SGCG: variants seen among roughly 807,000 people sequenced by gnomAD.
The protein encoded by SGCG is sarcoglycan gamma.
A neutral mutation model predicts 29.3 loss-of-function variants in SGCG; 26 were observed. The ratio of observed to expected loss-of-function variants is 0.89; its 90% confidence interval spans 0.65 to 1.23. SGCG has a LOEUF of 1.23. Ranked by LOEUF, SGCG falls within the 50% of genes most tolerant of loss-of-function variation. The pLI, the probability that SGCG is intolerant of heterozygous loss-of-function variation, is 0.00. For missense variants in SGCG, 353 were observed against 356.0 expected (o/e 0.99, Z 0.07); for synonymous variants, 145 against 129.7 (o/e 1.12, Z -0.80).
intron 1 of SGCG, among the ~76,000 whole-genome samples, chr13:23,202,150 T>C (rs940094849): frequency 2.0e-5 from 3 of 152,216 alleles, no homozygotes; most frequent in African/African-American, 4.8e-5. Context: ...TGGTAGTAGA[T>C]GAAGCCAAAG....
chr13:23,170,780 G>C, the SGCG span, among the ~76,000 whole-genome samples: 1 of 152,168 alleles, frequency 6.6e-6, no homozygotes, highest in African/African-American at 2.4e-5. Context: ...GGTGAGGAGC[G>C]CAGTGACCCT....
chr13:23,248,946 G>C (rs1879843973), intron 3 of SGCG, among the ~76,000 whole-genome samples: 1 of 147,976 alleles, frequency 6.8e-6, no homozygotes, highest in African/African-American at 2.5e-5. Context: ...AGCCGAGATC[G>C]TGCCAGTGCA....
At chr13:23,190,328 A>G (rs1877193711) in intron 1 of SGCG, among the ~76,000 whole-genome samples, 1 of 152,192 alleles carries the variant, frequency 6.6e-6, no homozygotes, top group Non-Finnish European at 1.5e-5. Context: ...AGATGGATGT[A>G]GTATCATCAT....
rs183532914 is a variant in SGCG at position 23,189,648 on chromosome 13, C to A, written c.-1+8573C>A. On this transcript the variant is annotated intron_variant, in intron 1 of 7. Coordinates refer to ENST00000218867, the MANE Select transcript of SGCG (RefSeq NM_000231.3). ...AACAGATATTGGTAGGATTTCTGGA[C>A]ATGGGGACTGGCCTCAAAAAGGGCT... Among the ~76,000 whole-genome samples the A allele has an allele frequency of 2.0e-5, 3 of 152,268 alleles. No homozygotes were observed. The East Asian group carries it at 5.8e-4, about 29-fold the overall frequency.
intron 4 of SGCG, among the ~76,000 whole-genome samples, chr13:23,275,016 T>C (rs1328249842): frequency 1.3e-5 from 2 of 151,414 alleles, no homozygotes; most frequent in African/African-American, 4.8e-5. Context: ...GGTTATACAA[T>C]AAATTTTTGT....
chr13:23,225,190 A>C (rs1054067093), intron 2 of SGCG, among the ~76,000 whole-genome samples: 2 of 152,190 alleles, frequency 1.3e-5, no homozygotes, highest in African/African-American at 2.4e-5. Flanking sequence ...CCACATCCTA[A>C]CACCCAAAGT....
Position 23,196,377 on chromosome 13 carries a change from G to A in SGCG, c.1-7318G>A, listed in dbSNP as rs1294642609. ...ATACTTAGTGCCCAATATCTTTTGGGGGGGTTATTGTTAACTTTCACTTTC... is the reference window on the plus strand; with the variant it reads ...ATACTTAGTGCCCAATATCTTTTGGAGGGGTTATTGTTAACTTTCACTTTC... On this transcript the variant is annotated intron_variant, in intron 1 of 7. Transcript: ENST00000218867. 4.2e-5 allele frequency among the ~76,000 whole-genome samples: 3 copies of A among 71,024 alleles called. No individual in the cohort carries two copies. In the East Asian group the frequency reaches 5.9e-3, roughly 140 times the overall value. 46.6% of individuals were successfully genotyped at this position (71,024 alleles called of 152,430 possible).
At chr13:23,219,211 C>T (rs1042558442) in intron 2 of SGCG, among the ~76,000 whole-genome samples, 1 of 151,848 alleles carries the variant, frequency 6.6e-6, no homozygotes, top group South Asian at 2.1e-4. Context: ...CCTCGCCTGG[C>T]TAACTTTTTG....
At chr13:23,213,105 T>C (rs962806771) in intron 2 of SGCG, among the ~76,000 whole-genome samples, 6 of 152,228 alleles carry the variant, frequency 3.9e-5, no homozygotes, top group African/African-American at 1.4e-4. Flanking sequence ...GTGGTCTCAC[T>C]GGCAAAGTAC....
At chr13:23,258,460 G>A (rs1337150519) in intron 4 of SGCG, among the ~76,000 whole-genome samples, 1 of 152,038 alleles carries the variant, frequency 6.6e-6, no homozygotes, top group Non-Finnish European at 1.5e-5. Flanking sequence ...GAGACGATGA[G>A]GTTTTCTAAA....
intron 1 of SGCG, among the ~76,000 whole-genome samples, chr13:23,200,927 G>C (rs917826894): frequency 1.3e-5 from 2 of 152,162 alleles, no homozygotes; most frequent in African/African-American, 4.8e-5. Flanking sequence ...AGAGGGACTG[G>C]ATGAAGGCAG....
chr13:23,162,481 C>T, the SGCG span, among the ~76,000 whole-genome samples: 161 of 152,232 alleles, frequency 1.1e-3, 1 homozygote, highest in African/African-American at 3.4e-3. Flanking sequence ...TAAAAATTAG[C>T]CGGGCGTGGT....
intron 2 of SGCG, among the ~76,000 whole-genome samples, chr13:23,217,964 G>T (rs1306091479): frequency 6.6e-6 from 1 of 152,030 alleles, no homozygotes; most frequent in African/African-American, 2.4e-5. Context: ...CATACTACCA[G>T]AAGCCCACAG....
chr13:23,310,418 C>A (rs936379955), intron 6 of SGCG, among the ~76,000 whole-genome samples: 4 of 152,246 alleles, frequency 2.6e-5, no homozygotes, highest in Admixed American at 2.0e-4. Context: ...AGTAATGTTA[C>A]CCTTTTGCCC....
intron 2 of SGCG, among the ~76,000 whole-genome samples, chr13:23,227,449 GT>G (rs755764058): frequency 1.3e-5 from 2 of 152,068 alleles, no homozygotes; most frequent in Non-Finnish European, 2.9e-5. Flanking sequence ...GACAGTTCTT[GT>G]TCTTAAAAAG....
At chr13:23,259,396 T>C (rs1378388641) in intron 4 of SGCG, among the ~76,000 whole-genome samples, 1 of 152,204 alleles carries the variant, frequency 6.6e-6, no homozygotes, top group Non-Finnish European at 1.5e-5. Flanking sequence ...ATATCCCCTT[T>C]ATCATTTTTT....
In SGCG at chr13:23,275,427, C is replaced by T. The variant is rs974017466; in HGVS notation, c.386-3932C>T. 1.2e-4 allele frequency among the ~76,000 whole-genome samples: 18 copies of T among 151,338 alleles called. No individual in the cohort carries two copies. In the East Asian group the frequency reaches 3.3e-3, roughly 28 times the overall value. ...CTGAGGCAGGAGAATCGCTTGAACC[C>T]GGGAGGCGGAGGTTGCAGTGAGCTG... On this transcript the variant is annotated intron_variant, in intron 4 of 7. Transcript: ENST00000218867.
chr13:23,205,702 G>A (rs1158885223), intron 2 of SGCG, among the ~76,000 whole-genome samples: 1 of 151,464 alleles, frequency 6.6e-6, no homozygotes, highest in Non-Finnish European at 1.5e-5. Context: ...GATGGAGAAG[G>A]GCTTCCCACA....
intron 1 of SGCG, among the ~76,000 whole-genome samples, chr13:23,200,997 C>T (rs550858885): frequency 2.6e-5 from 4 of 151,990 alleles, no homozygotes; most frequent in Non-Finnish European, 5.9e-5. Flanking sequence ...TGGGAAGCCA[C>T]GGGAAGGTTT....
Sources: allele counts gnomAD v4.1 joint callset (sites outside exome capture counted in the v4.1 genomes callset), GRCh38; gene constraint gnomAD v4.1.1; transcripts MANE v1.5; gene names NCBI Gene and HGNC (gene_info 2026-07-23, HGNC 2026-07-21).